Variants in NIBAN1 observed in about 807,000 individuals in gnomAD.
NIBAN1 encodes niban apoptosis regulator 1.
A neutral mutation model predicts 75.1 loss-of-function variants in NIBAN1; 81 were observed. That is an observed-to-expected ratio of 1.08 (90% CI 0.90 to 1.30). The LOEUF is 1.30. Among genes scored for constraint, NIBAN1 ranks in the 50% most tolerant of loss-of-function variants. The pLI, the probability that NIBAN1 is intolerant of heterozygous loss-of-function variation, is 0.00. For synonymous variants in NIBAN1, 436 were observed against 424.8 expected (o/e 1.03, Z -0.32); for missense variants, 1,133 against 1,128.1 (o/e 1.00, Z -0.06).
chr1:184,821,240 C>T (rs970559891), intron 8 of NIBAN1, among the ~76,000 whole-genome samples: 2 of 152,084 alleles, frequency 1.3e-5, no homozygotes, highest in African/African-American at 2.4e-5. Context: ...AGCTCAGGGG[C>T]TTTACTCCCA....
chr1:184,822,695 A>G (rs541082048), intron 8 of NIBAN1, among the ~76,000 whole-genome samples: 40 of 152,308 alleles, frequency 2.6e-4, no homozygotes, highest in African/African-American at 9.6e-4. Context: ...TATGACTCCA[A>G]GCCAAAATTT....
intron 5 of NIBAN1, among the ~76,000 whole-genome samples, chr1:184,883,750 G>A (rs903227120): frequency 3.3e-5 from 5 of 152,098 alleles, no homozygotes; most frequent in Non-Finnish European, 7.3e-5. Context: ...GAATATCTGG[G>A]GGTGAAGCCT....
At chr1:184,912,790 TAG>T (rs1657277130) in intron 1 of NIBAN1, among the ~76,000 whole-genome samples, 2 of 152,188 alleles carry the variant, frequency 1.3e-5, no homozygotes, top group South Asian at 4.1e-4. Flanking sequence ...AGCTTTTTCA[TAG>T]AGTCTCAGAC....
rs762839836 is a variant in NIBAN1, at chr1:184,808,071, C to T, written c.1335+3G>A. The T allele has an allele frequency of 1.6e-5, 26 of 1,613,616 alleles. No homozygotes were observed. The South Asian group carries it at 1.6e-4, about 10-fold the overall frequency. ...CCACCACGGATGCCCCTGCCACACC[C>T]ACCTCCTGCATGTAGTTCTGTGTCC... On this transcript the variant is annotated splice_donor_region_variant and intron_variant, in intron 10 of 13. Transcript: ENST00000367511.
rs1246798805 is a variant in NIBAN1 at position 184,974,465 on chromosome 1, TC to T, written c.-110del. The T allele has an allele frequency of 4.5e-5, 63 of 1,396,744 alleles. No individual in the cohort carries two copies. Among genetic ancestry groups the T allele is most frequent in the Non-Finnish European group, 5.7e-5 (59 of 1,040,558 alleles). 86.5% of individuals were successfully genotyped at this position (1,396,744 alleles called of 1,614,324 possible). ...CCGGCTCTGAAATTAAGAGCAAACT[TC>T]CTTCGAGAGGCGAGAGACAGGAGGC... On this transcript the variant is annotated 5_prime_UTR_variant, in exon 1 of 14. Coordinates refer to ENST00000367511, the MANE Select transcript of NIBAN1 (RefSeq NM_052966.4).
At chr1:184,864,367 T>G (rs758358507) in intron 5 of NIBAN1, among the ~76,000 whole-genome samples, 1 of 152,240 alleles carries the variant, frequency 6.6e-6, no homozygotes, top group South Asian at 2.1e-4. Context: ...TTCATTTTTA[T>G]TTTCTTCCTC....
chr1:184,967,941 C>T lies in NIBAN1; in HGVS notation c.55+6361G>A, dbSNP rs1372916693. Among the ~76,000 whole-genome samples, 2 of 61,652 alleles carry T rather than the reference C, an allele frequency of 3.2e-5. 1 individual carries two copies. The highest frequency in any genetic ancestry group is 1.0e-4 in the African/African-American group (2 of 19,866). The allele number at this position is 61,652 out of a possible 152,430, so 40.4% of individuals were successfully genotyped here. A position where few individuals can be genotyped will look rare whatever the true frequency, so the allele number is the denominator to read the frequency against. On this transcript the variant is annotated intron_variant, in intron 1 of 13. Transcript: ENST00000367511. ...ACTCACGGCCGGGCGCGGTGGCTCACGCCTGTAATCCCAGCACTTTGGGAG... is the reference window on the plus strand; with the variant it reads ...ACTCACGGCCGGGCGCGGTGGCTCATGCCTGTAATCCCAGCACTTTGGGAG...
intron 9 of NIBAN1, among the ~76,000 whole-genome samples, chr1:184,809,133 C>T (rs1339322637): frequency 1.3e-5 from 2 of 152,152 alleles, no homozygotes; most frequent in Non-Finnish European, 2.9e-5. Context: ...ACTTTCAGCT[C>T]ACGCAGAAGA....
At chr1:184,964,438 G>C (rs1364396772) in intron 1 of NIBAN1, among the ~76,000 whole-genome samples, 1 of 152,184 alleles carries the variant, frequency 6.6e-6, no homozygotes, top group African/African-American at 2.4e-5. Context: ...AGCACAGCTC[G>C]GTTAACAGCA....
At chr1:184,797,543 C>CGTG (rs1653911717) in intron 13 of NIBAN1, among the ~76,000 whole-genome samples, 1 of 151,752 alleles carries the variant, frequency 6.6e-6, no homozygotes. Context: ...CCGAGACTTG[C>CGTG]GTGGCACTGC....
intron 9 of NIBAN1, among the ~76,000 whole-genome samples, chr1:184,809,461 C>G (rs1313571183): frequency 2.6e-5 from 4 of 152,088 alleles, no homozygotes; most frequent in Admixed American, 2.6e-4. Context: ...CCTTATCATA[C>G]ACAATTAGTG....
At chr1:184,968,333 G>C (rs907901746) in intron 1 of NIBAN1, among the ~76,000 whole-genome samples, 1 of 152,140 alleles carries the variant, frequency 6.6e-6, no homozygotes, top group African/African-American at 2.4e-5. Context: ...AAAGACCAAA[G>C]GAAATAGAAA....
intron 5 of NIBAN1, among the ~76,000 whole-genome samples, chr1:184,883,108 A>C (rs1194096981): frequency 6.6e-6 from 1 of 152,124 alleles, no homozygotes; most frequent in Non-Finnish European, 1.5e-5. Flanking sequence ...TGGGACTGAC[A>C]CTCTCAGGGA....
intron 1 of NIBAN1, among the ~76,000 whole-genome samples, chr1:184,940,947 C>T (rs1445081937): frequency 6.6e-6 from 1 of 152,176 alleles, no homozygotes; most frequent in African/African-American, 2.4e-5. Context: ...GGCAATGTGC[C>T]GCAAACAGGT....
rs772619277 is a variant in NIBAN1 at position 184,795,975 on chromosome 1, G to T, written c.1789C>A (p.Pro597Thr). 2 of 1,614,004 alleles carry T rather than the reference G, an allele frequency of 1.2e-6. No homozygotes were observed. The highest frequency in any genetic ancestry group is 1.3e-5 in the African/African-American group (1 of 74,930). ...AGAATGGCAGAAGCTCTCCTGGCAG[G>T]GCTGGCCTGGTTTGACCCTGTGGGG... is the stretch of plus-strand genomic sequence containing the variant. ...KPPTGSNQAS[P>T]ARRASAILPG... Residue 597 changes from proline to threonine, a missense_variant, in exon 14 of 14, where the codon CCT (proline) becomes ACT (threonine). Transcript: ENST00000367511.
chr1:184,867,631 C>G (rs146576518), intron 5 of NIBAN1, among the ~76,000 whole-genome samples: 2 of 152,284 alleles, frequency 1.3e-5, no homozygotes, highest in East Asian at 3.9e-4. Flanking sequence ...GGCTTGGGCC[C>G]GAGTTCACTT....
At chr1:184,797,004 A>C (rs1214788154) in intron 13 of NIBAN1, among the ~76,000 whole-genome samples, 1 of 152,154 alleles carries the variant, frequency 6.6e-6, no homozygotes, top group Non-Finnish European at 1.5e-5. Flanking sequence ...TGGATTCCCT[A>C]GAATTAGCTA....
intron 1 of NIBAN1, among the ~76,000 whole-genome samples, chr1:184,913,642 T>A (rs963544869): frequency 2.0e-5 from 3 of 152,194 alleles, no homozygotes; most frequent in African/African-American, 7.2e-5. Context: ...CATTGCAGAT[T>A]TTTATAGGTG....
intron 11 of NIBAN1, among the ~76,000 whole-genome samples, chr1:184,805,717 T>G (rs1654176992): frequency 1.3e-5 from 2 of 152,142 alleles, no homozygotes; most frequent in Admixed American, 6.5e-5. Context: ...ACGCGGGGCC[T>G]GTAGCTGTGG....
Sources: gnomAD v4.1 joint callset for allele counts (sites outside exome capture counted in the v4.1 genomes callset) on GRCh38, gnomAD v4.1.1 for gene constraint, MANE v1.5 for transcripts, NCBI Gene and HGNC (gene_info 2026-07-23, HGNC 2026-07-21) for gene names.